The following MSRA variants were observed in gnomAD, a reference collection of about 807,000 sequenced individuals.
MSRA encodes the protein mitochondrial peptide methionine sulfoxide reductase.
A neutral mutation model predicts 31.3 loss-of-function variants in MSRA; 54 were observed. The ratio of observed to expected loss-of-function variants is 1.73; its 90% CI spans 1.39 to 2.17. MSRA has a LOEUF of 2.17. MSRA is among the 30% of genes most tolerant of loss of function. The pLI is 0.00. For synonymous variants in MSRA, 169 were observed against 116.5 expected (o/e 1.45, Z -2.90); for missense variants, 507 against 300.9 (o/e 1.69, Z -5.07).
intron 1 of MSRA, among the ~76,000 whole-genome samples, chr8:10,146,635 A>G (rs1054351175): frequency 1.3e-5 from 2 of 152,168 alleles, no homozygotes; most frequent in Non-Finnish European, 2.9e-5. Context: ...TGAATAGACT[A>G]AAAGCCATCG....
chr8:10,108,452 C>A (rs767340611), intron 1 of MSRA, among the ~76,000 whole-genome samples: 2 of 152,170 alleles, frequency 1.3e-5, no homozygotes, highest in Non-Finnish European at 2.9e-5. Flanking sequence ...ACAGTCCTTG[C>A]GATAGTCTGT....
intron 3 of MSRA, among the ~76,000 whole-genome samples, chr8:10,276,837 C>G (rs995374790): frequency 1.3e-5 from 2 of 152,118 alleles, no homozygotes; most frequent in Non-Finnish European, 2.9e-5. Flanking sequence ...CCCACCTCCC[C>G]GAGGTCTACA....
chr8:10,062,566 G>A (rs1797259524), intron 1 of MSRA, among the ~76,000 whole-genome samples: 1 of 152,148 alleles, frequency 6.6e-6, no homozygotes, highest in Non-Finnish European at 1.5e-5. Context: ...GAGAGGCCAG[G>A]GTTCCTCTGA....
At chr8:10,376,498 T>A (rs1230098570) in intron 5 of MSRA, among the ~76,000 whole-genome samples, 3 of 152,222 alleles carry the variant, frequency 2.0e-5, no homozygotes, top group African/African-American at 7.2e-5. Flanking sequence ...CTTGCCTCAG[T>A]TTCCCAATCT....
At chr8:10,304,007 C>T (rs1261422042) in intron 4 of MSRA, among the ~76,000 whole-genome samples, 2 of 152,332 alleles carry the variant, frequency 1.3e-5, no homozygotes, top group African/African-American at 4.8e-5. Flanking sequence ...GTGATCGCGT[C>T]TCACTGAACC....
intron 1 of MSRA, among the ~76,000 whole-genome samples, chr8:10,136,630 G>C (rs939304196): frequency 1.3e-5 from 2 of 152,192 alleles, no homozygotes; most frequent in African/African-American, 4.8e-5. Flanking sequence ...GTGGGAACGA[G>C]AGCCTTTACG....
chr8:10,079,177 T>A (rs568872583), intron 1 of MSRA, among the ~76,000 whole-genome samples: 1 of 152,194 alleles, frequency 6.6e-6, no homozygotes, highest in South Asian at 2.1e-4. Flanking sequence ...TCTTTTTTTT[T>A]AGGCAGGGTC....
At chr8:10,401,503 A>G (rs1256929986) in intron 5 of MSRA, among the ~76,000 whole-genome samples, 1 of 152,226 alleles carries the variant, frequency 6.6e-6, no homozygotes, top group Admixed American at 6.5e-5. Context: ...AAACAGTTAG[A>G]CAGTTCCTCA....
In MSRA at chr8:10,284,404, G is replaced by C. The variant is rs551760674; in HGVS notation, c.332-17130G>C. Among the ~76,000 whole-genome samples, 14 of 152,146 alleles carry C rather than the reference G, an allele frequency of 9.2e-5. No individual in the cohort carries two copies. In the East Asian group the frequency reaches 2.1e-3, roughly 23 times the overall value. On this transcript the variant is annotated intron_variant, in intron 3 of 5. Transcript: ENST00000317173. ...TACTGGGGTTTCACCATGTTAGCCA[G>C]GCTGGACTCAAACTCCTCACCTCAA...
intron 1 of MSRA, among the ~76,000 whole-genome samples, chr8:10,205,983 T>A (rs560693367): frequency 2.0e-5 from 3 of 152,250 alleles, no homozygotes; most frequent in Non-Finnish European, 4.4e-5. Context: ...TTTAGTTGAT[T>A]TTAAGATTTT....
At chr8:10,062,940 A>G (rs752935595) in intron 1 of MSRA, among the ~76,000 whole-genome samples, 1 of 152,164 alleles carries the variant, frequency 6.6e-6, no homozygotes, top group Admixed American at 6.5e-5. Context: ...AAAAGAGGTA[A>G]GAAGTCAGAA....
chr8:10,316,088 C>T (rs1397579168), intron 4 of MSRA, among the ~76,000 whole-genome samples: 1 of 152,186 alleles, frequency 6.6e-6, no homozygotes, highest in Non-Finnish European at 1.5e-5. Flanking sequence ...AAAAGCAACA[C>T]TATTTCATCT....
At chr8:10,063,939 C>G (rs762080935) in intron 1 of MSRA, among the ~76,000 whole-genome samples, 10 of 152,230 alleles carry the variant, frequency 6.6e-5, no homozygotes, top group African/African-American at 2.4e-4. Flanking sequence ...GCTTCTTCCA[C>G]TTCTCTGCCG....
At chr8:10,326,486 T>C (rs557923043) in intron 5 of MSRA, 26 of 152,266 alleles carry the variant, frequency 1.7e-4, no homozygotes, top group African/African-American at 6.3e-4. Context: ...CAGGAAAGAC[T>C]TAAGGAGGAG....
chr8:10,303,989 G>A (rs533238853), intron 4 of MSRA, among the ~76,000 whole-genome samples: 3 of 152,310 alleles, frequency 2.0e-5, no homozygotes, highest in African/African-American at 7.2e-5. Flanking sequence ...AAGCTGGAGT[G>A]CAGTGGCGTG....
At position 10,192,173 on chromosome 8, in the gene MSRA, C is replaced by T. The variant is rs28507571; in HGVS notation, c.143-15660C>T. Among the ~76,000 whole-genome samples, 207 of 152,320 alleles carry T rather than the reference C, an allele frequency of 1.4e-3. 1 individual carries two copies. The highest frequency in any genetic ancestry group is 4.4e-3 in the African/African-American group (182 of 41,568). ...GAAGTCATAGTCTATCATCCACTCACGGAATCAAACCCCCATCACTCCTGT... is the reference window on the plus strand; with the variant it reads ...GAAGTCATAGTCTATCATCCACTCATGGAATCAAACCCCCATCACTCCTGT... On this transcript the variant is annotated intron_variant, in intron 1 of 5. Coordinates refer to ENST00000317173, the MANE Select transcript of MSRA (RefSeq NM_012331.5).
rs539246050 is a variant in MSRA, at chr8:10,125,169, G to C, written c.142+70511G>C. 3.9e-5 allele frequency among the ~76,000 whole-genome samples: 6 copies of C among 152,302 alleles called. No individual in the cohort carries two copies. In the South Asian group the frequency reaches 1.2e-3, roughly 32 times the overall value. On this transcript the variant is annotated intron_variant, in intron 1 of 5. Coordinates refer to ENST00000317173, the MANE Select transcript of MSRA (RefSeq NM_012331.5). ...GCTTGAACATTGTAATGGGTGTGAC[G>C]GCTGCCAGGTGCCTCATTTGGGGAG...
chr8:10,130,750 A>G (rs937699800), intron 1 of MSRA, among the ~76,000 whole-genome samples: 3 of 152,182 alleles, frequency 2.0e-5, no homozygotes, highest in Non-Finnish European at 4.4e-5. Flanking sequence ...AGCAAATGAC[A>G]ATTCTGGCGG....
intron 5 of MSRA, among the ~76,000 whole-genome samples, chr8:10,359,358 A>G (rs566578923): frequency 2.0e-5 from 3 of 151,946 alleles, no homozygotes; most frequent in African/African-American, 7.2e-5. Context: ...TGTTTTATAT[A>G]CTGGTTTTTA....
Sources: gnomAD v4.1 joint callset for allele counts (sites outside exome capture counted in the v4.1 genomes callset) on GRCh38, gnomAD v4.1.1 for gene constraint, MANE v1.5 for transcripts, NCBI Gene and HGNC (gene_info 2026-07-23, HGNC 2026-07-21) for gene names.